Variants in NTRK3 observed in about 807,000 individuals in gnomAD.
NTRK3 encodes the protein neurotrophic receptor tyrosine kinase 3.
In NTRK3, 24 loss-of-function variants were observed where a neutral mutation model predicts 91.7. The ratio of observed to expected loss-of-function variants is 0.26; its 90% CI spans 0.19 to 0.37. The LOEUF (loss-of-function observed/expected upper bound fraction) is 0.37, where lower values mean the gene tolerates loss of function less well. Ranked by LOEUF, NTRK3 falls within the 10% of genes least tolerant of loss-of-function variation. The pLI is 1.00. For missense variants in NTRK3, 880 were observed against 1,068.9 expected (o/e 0.82, Z 2.46); for synonymous variants, 483 against 404.0 (o/e 1.20, Z -2.34).
At chr15:88,216,886 G>C (rs752478399) in intron 3 of NTRK3, among the ~76,000 whole-genome samples, 1 of 152,190 alleles carries the variant, frequency 6.6e-6, no homozygotes, top group Non-Finnish European at 1.5e-5. Context: ...TAATCTGCAA[G>C]TCCCATTAGG....
intron 14 of NTRK3, among the ~76,000 whole-genome samples, chr15:88,005,230 G>T (rs2076402068): frequency 6.6e-6 from 1 of 152,136 alleles, no homozygotes; most frequent in African/African-American, 2.4e-5. Flanking sequence ...AGTACAGGCT[G>T]CCATGCTTTC....
chr15:88,222,484 A>G (rs1284041720), intron 3 of NTRK3, among the ~76,000 whole-genome samples: 1 of 152,192 alleles, frequency 6.6e-6, no homozygotes, highest in African/African-American at 2.4e-5. Flanking sequence ...TTTTTTAAAG[A>G]TATATCATCC....
intron 13 of NTRK3, among the ~76,000 whole-genome samples, chr15:88,035,057 T>C (rs1291330319): frequency 1.3e-5 from 2 of 151,828 alleles, no homozygotes; most frequent in African/African-American, 4.8e-5. Context: ...AGAGGAAAAG[T>C]GGTGATAAGA....
chr15:87,934,207 G>C (rs1473225637), intron 15 of NTRK3, among the ~76,000 whole-genome samples: 1 of 152,180 alleles, frequency 6.6e-6, no homozygotes, highest in East Asian at 1.9e-4. Context: ...GCTTATGCAG[G>C]TGGGCGCCCC....
At chr15:87,866,961 A>G (rs1291162210) in exon 19 of NTRK3, 2 of 216,402 alleles carry the variant, frequency 9.2e-6, no homozygotes, top group Non-Finnish European at 1.9e-5. Context: ...AGAAAAAATG[A>G]AAATTATGTT....
At chr15:88,178,109 G>A (rs1167378964) in intron 5 of NTRK3, among the ~76,000 whole-genome samples, 1 of 152,204 alleles carries the variant, frequency 6.6e-6, no homozygotes, top group African/African-American at 2.4e-5. Context: ...GATACTTGTG[G>A]AGAAGCAGTG....
At chr15:88,192,141 T>C (rs2047455581) in intron 3 of NTRK3, among the ~76,000 whole-genome samples, 1 of 152,200 alleles carries the variant, frequency 6.6e-6, no homozygotes, top group African/African-American at 2.4e-5. Context: ...TCCAAAGTAT[T>C]GTGCCAGGAA....
At chr15:87,996,052 T>C (rs1296771900) in intron 14 of NTRK3, among the ~76,000 whole-genome samples, 1 of 152,070 alleles carries the variant, frequency 6.6e-6, no homozygotes, top group Admixed American at 6.6e-5. Context: ...AAGACCAGCC[T>C]GGCCAGCATG....
At chr15:88,014,294 T>C (rs2077079394) in intron 14 of NTRK3, among the ~76,000 whole-genome samples, 1 of 152,202 alleles carries the variant, frequency 6.6e-6, no homozygotes. Context: ...CCACTTACAG[T>C]TTCAGGAGTG....
At chr15:87,950,259 C>T (rs1212233280) in intron 14 of NTRK3, among the ~76,000 whole-genome samples, 1 of 152,176 alleles carries the variant, frequency 6.6e-6, no homozygotes, top group African/African-American at 2.4e-5. Flanking sequence ...GGAAGAGAAA[C>T]ACCTGTGAGG....
chr15:88,007,746 G>C (rs1032216740), intron 14 of NTRK3, among the ~76,000 whole-genome samples: 2 of 152,166 alleles, frequency 1.3e-5, no homozygotes, highest in East Asian at 3.9e-4. Flanking sequence ...GGAATCTGAA[G>C]ACCTGAGTTC....
At chr15:88,030,988 G>A (rs370205539) in intron 14 of NTRK3, among the ~76,000 whole-genome samples, 1 of 152,292 alleles carries the variant, frequency 6.6e-6, no homozygotes, top group Non-Finnish European at 1.5e-5. Context: ...ATTGGCTAGT[G>A]TTCCTTAGCT....
At chr15:87,909,452 A>T (rs1011083411) in intron 17 of NTRK3, among the ~76,000 whole-genome samples, 2 of 152,204 alleles carry the variant, frequency 1.3e-5, no homozygotes, top group African/African-American at 2.4e-5. Flanking sequence ...TTCATGAAGT[A>T]ACATGTCCCT....
chr15:88,001,454 G>C (rs2076093620), intron 14 of NTRK3, among the ~76,000 whole-genome samples: 1 of 152,028 alleles, frequency 6.6e-6, no homozygotes, highest in South Asian at 2.1e-4. Context: ...TTTCTTCTAA[G>C]AGTTTTATTG....
chr15:87,890,570 TACAC>T (rs58806302), intron 17 of NTRK3, among the ~76,000 whole-genome samples: 7,855 of 147,746 alleles, frequency 0.053, 223 homozygotes, highest in South Asian at 0.072. Flanking sequence ...GCTTGTTCTT[TACAC>T]ACACACACAC....
intron 13 of NTRK3, among the ~76,000 whole-genome samples, chr15:88,124,081 C>T (rs1229218183): frequency 1.3e-5 from 2 of 152,116 alleles, no homozygotes; most frequent in East Asian, 1.9e-4. Context: ...TTGTTTTGCA[C>T]TTATTTATCC....
chr15:88,016,162 T>A (rs1237380730), intron 14 of NTRK3, among the ~76,000 whole-genome samples: 46 of 152,186 alleles, frequency 3.0e-4, no homozygotes, highest in Admixed American at 2.9e-3. Flanking sequence ...TTTCTGGATT[T>A]TCCTCAAAAT....
chr15:87,935,427 G>A (rs567840197), intron 15 of NTRK3, among the ~76,000 whole-genome samples: 24 of 152,342 alleles, frequency 1.6e-4, no homozygotes, highest in African/African-American at 5.8e-4. Flanking sequence ...CCTATAGCCA[G>A]AACAAAGACA....
chr15:87,914,036 A>T (rs1363943886), intron 17 of NTRK3, among the ~76,000 whole-genome samples: 1 of 152,196 alleles, frequency 6.6e-6, no homozygotes, highest in Admixed American at 6.5e-5. Context: ...AGTATTTCTG[A>T]ACCTGCTGAG....
Sources: allele counts gnomAD v4.1 joint callset (sites outside exome capture counted in the v4.1 genomes callset), GRCh38; gene constraint gnomAD v4.1.1; transcripts MANE v1.5; gene names NCBI Gene and HGNC (gene_info 2026-07-23, HGNC 2026-07-21).